The following HEXIM2 variants were observed in gnomAD, a reference collection of about 807,000 sequenced individuals.
The protein encoded by HEXIM2 is HEXIM P-TEFb complex subunit 2.
For missense variants in HEXIM2, 413 were observed against 390.8 expected, an observed-to-expected ratio of 1.06 and a Z score of -0.48; for synonymous variants, 159 against 162.7, an observed-to-expected ratio of 0.98 and a Z score of 0.17.
At chr17:45,164,109 T>C (rs1041069490) in intron 3 of HEXIM2, among the ~76,000 whole-genome samples, 2 of 150,498 alleles carry the variant, frequency 1.3e-5, no homozygotes, top group African/African-American at 2.5e-5. Context: ...GAGCTGAGAT[T>C]GTGCCATTGC....
chr17:45,161,010 C>G, upstream of HEXIM2: 1 of 1,222,308 alleles, frequency 8.2e-7, no homozygotes, highest in Non-Finnish European at 1.1e-6. Context: ...GACTTGTGGC[C>G]AGACCTGCGA....
rs781585153 is a variant in HEXIM2 at position 45,161,936 on chromosome 17, A to C, written c.-288A>C. On this transcript the variant is annotated 5_prime_UTR_variant, in exon 1 of 4. Coordinates refer to ENST00000589230, the MANE Select transcript of HEXIM2 (RefSeq NM_001303441.2). Reference sequence around the variant, plus strand: ...GACCAGAGCTGCTGCAACTGCAGCAAGAGGTAGGGCTCAGGCGTTGGGAAT... The same window carrying C: ...GACCAGAGCTGCTGCAACTGCAGCACGAGGTAGGGCTCAGGCGTTGGGAAT... 3 of 985,610 alleles carry C rather than the reference A, an allele frequency of 3.0e-6. No homozygotes were observed. Among genetic ancestry groups the C allele is most frequent in the Non-Finnish European group, 3.6e-6 (3 of 830,070 alleles). The allele number at this position is 985,610 out of a possible 1,614,324, so 61.1% of individuals were successfully genotyped here.
Position 45,168,055 on chromosome 17 carries a change from T to C in HEXIM2, c.67-960T>C, listed in dbSNP as rs138342069. Among the ~76,000 whole-genome samples, 1,423 of 151,184 alleles carry C rather than the reference T, an allele frequency of 9.4e-3. 17 individuals are homozygous for C. Among genetic ancestry groups the C allele is most frequent in the African/African-American group, 0.033 (1,351 of 41,212 alleles). Reference sequence around the variant, plus strand: ...CGTGCCACCACGCCCGGCTTATTTTTGTATTTTTCGTAGACATAGGGTTTC... The same window carrying C: ...CGTGCCACCACGCCCGGCTTATTTTCGTATTTTTCGTAGACATAGGGTTTC... On this transcript the variant is annotated intron_variant, in intron 3 of 3. Transcript: ENST00000589230.
intron 3 of HEXIM2, among the ~76,000 whole-genome samples, chr17:45,166,513 G>C (rs190168464): frequency 1.3e-5 from 2 of 152,324 alleles, no homozygotes; most frequent in Admixed American, 6.5e-5. Context: ...CACTGCCCTT[G>C]TGCTGTGCAT....
At chr17:45,166,032 G>C (rs1338402383) in intron 3 of HEXIM2, among the ~76,000 whole-genome samples, 1 of 151,976 alleles carries the variant, frequency 6.6e-6, no homozygotes, top group Non-Finnish European at 1.5e-5. Flanking sequence ...CCTGAACTCA[G>C]GTGATCTACC....
Position 45,169,327 on chromosome 17 carries a change from G to T in HEXIM2, c.379G>T (p.Val127Phe). ...GAGGCAGAGCCAGAGGGCCTCCCGG[G>T]TCCGCGAAGAGATGTTCGCCAAAGG... is the stretch of plus-strand genomic sequence containing the variant. ...DERQSQRASR[V>F]REEMFAKGQP... Residue 127 changes from valine (V) to phenylalanine (F), a missense_variant, in exon 4 of 4, where the codon GTC (valine) becomes TTC (phenylalanine). By Grantham distance (50) the Val-to-Phe change is conservative. Coordinates refer to ENST00000589230, the MANE Select transcript of HEXIM2 (RefSeq NM_001303441.2). The T allele has an allele frequency of 6.2e-7, 1 of 1,613,850 alleles. No individual in the cohort carries two copies. The highest frequency in any genetic ancestry group is 8.5e-7 in the Non-Finnish European group (1 of 1,180,032).
In HEXIM2 at chr17:45,162,583, G is replaced by C; in HGVS notation, c.-97G>C. 7.1e-7 allele frequency: 1 copy of C among 1,407,250 alleles called. No individual in the cohort carries two copies. The highest frequency in any genetic ancestry group is 9.2e-7 in the Non-Finnish European group (1 of 1,081,778). The allele number at this position is 1,407,250 out of a possible 1,614,324, so 87.2% of individuals were successfully genotyped here. A position where few individuals can be genotyped will look rare whatever the true frequency, so the allele number is the denominator to read the frequency against. ...CCATTTGGCCCCTTGCTGGCTGGAG[G>C]TGTGAAAACCAGCGGTGGAGGCAGC... On this transcript the variant is annotated 5_prime_UTR_variant, in exon 2 of 4. Transcript: ENST00000589230.
intron 3 of HEXIM2, among the ~76,000 whole-genome samples, chr17:45,165,352 A>G (rs1175547752): frequency 6.6e-6 from 1 of 152,090 alleles, no homozygotes; most frequent in African/African-American, 2.4e-5. Flanking sequence ...CACATGACAT[A>G]TGCCTGGCTC....
At chr17:45,165,276 C>A (rs2042807832) in intron 3 of HEXIM2, among the ~76,000 whole-genome samples, 1 of 152,040 alleles carries the variant, frequency 6.6e-6, no homozygotes. Context: ...ACGTACACAC[C>A]CCACACACAT....
In HEXIM2 at chr17:45,169,001, C is replaced by T. The variant is rs760794704; in HGVS notation, c.67-14C>T. The T allele has an allele frequency of 6.3e-7, 1 of 1,584,514 alleles. No individual in the cohort carries two copies. The highest frequency in any genetic ancestry group is 8.6e-7 in the Non-Finnish European group (1 of 1,164,216). On this transcript the variant is annotated splice_polypyrimidine_tract_variant and intron_variant, in intron 3 of 3. Transcript: ENST00000589230. ...GCTGTCTGATCCATCCTTCTTCCTC[C>T]TCCCTCTCTTTAGACCTCTGGTGCC... is the stretch of plus-strand genomic sequence containing the variant.
chr17:45,160,854 C>T, upstream of HEXIM2: 2 of 1,250,842 alleles, frequency 1.6e-6, no homozygotes, highest in Non-Finnish European at 2.1e-6. Flanking sequence ...CTAGCTGCTC[C>T]CAGGGGGAAT....
Position 45,162,602 on chromosome 17 carries a change from A to G in HEXIM2, c.-78A>G. 1 of 1,422,418 alleles carries G rather than the reference A, an allele frequency of 7.0e-7. No individual in the cohort carries two copies. The highest frequency in any genetic ancestry group is 1.4e-5 in the South Asian group (1 of 69,212). The allele number at this position is 1,422,418 out of a possible 1,614,324, so 88.1% of individuals were successfully genotyped here. On this transcript the variant is annotated 5_prime_UTR_variant, in exon 2 of 4. Coordinates refer to ENST00000589230, the MANE Select transcript of HEXIM2 (RefSeq NM_001303441.2). Reference sequence around the variant, plus strand: ...CTGGAGGTGTGAAAACCAGCGGTGGAGGCAGCCTTCGGGGCCTGCATTTGA... The same window carrying G: ...CTGGAGGTGTGAAAACCAGCGGTGGGGGCAGCCTTCGGGGCCTGCATTTGA...
At chr17:45,160,966 T>C (rs1382913924), upstream of HEXIM2, 1 of 1,289,368 alleles carries the variant, frequency 7.8e-7, no homozygotes, top group East Asian at 5.6e-5. Flanking sequence ...CACTGGGATC[T>C]CCGCTCTCGG....
At chr17:45,164,614 G>A (rs553234431) in intron 3 of HEXIM2, among the ~76,000 whole-genome samples, 1 of 152,344 alleles carries the variant, frequency 6.6e-6, no homozygotes, top group Admixed American at 6.5e-5. Flanking sequence ...TCCAGCCTGG[G>A]TGACAAAGTC....
chr17:45,162,271 G>C (rs1401133749), intron 1 of HEXIM2, among the ~76,000 whole-genome samples: 1 of 152,194 alleles, frequency 6.6e-6, no homozygotes, highest in Non-Finnish European at 1.5e-5. Flanking sequence ...AGCCCAGCTT[G>C]GGGAGAAGGT....
chr17:45,162,657 A>C, intron 2 of HEXIM2, 22 bp downstream of exon 2: 1 of 1,551,978 alleles, frequency 6.4e-7, no homozygotes, highest in South Asian at 1.2e-5. Context: ...TGGGGTACAA[A>C]ATGGCTGCCA....
chr17:45,167,511 T>C (rs2042889664), intron 3 of HEXIM2, among the ~76,000 whole-genome samples: 1 of 152,156 alleles, frequency 6.6e-6, no homozygotes, highest in South Asian at 2.1e-4. Flanking sequence ...GGCAAGAGGA[T>C]TGCTTGAGTC....
rs888995927 is a variant in HEXIM2, at chr17:45,169,786, T to A, written c.838T>A (p.Cys280Ser). The change falls in exon 4 of 4, where the codon TGT becomes AGT. Residue 280 changes from cysteine to serine, a missense_variant. Transcript: ENST00000589230. Reference sequence around the variant, plus strand: ...GATGTGGAACCGAGAGGGCTGCCGCTGTGATGAGGAGCCGGGTACCTAGGG... The same window carrying A: ...GATGTGGAACCGAGAGGGCTGCCGCAGTGATGAGGAGCCGGGTACCTAGGG... Reference protein sequence around the residue: ...NQMWNREGCRCDEEPGT With the variant: ...NQMWNREGCRSDEEPGT The A allele has an allele frequency of 1.7e-5, 25 of 1,446,656 alleles. No homozygotes were observed. Among genetic ancestry groups the A allele is most frequent in the Non-Finnish European group, 2.3e-5 (25 of 1,101,228 alleles). The allele number at this position is 1,446,656 out of a possible 1,614,324, so 89.6% of individuals were successfully genotyped here.
chr17:45,166,732 G>GA (rs2042852043), intron 3 of HEXIM2, among the ~76,000 whole-genome samples: 1 of 151,942 alleles, frequency 6.6e-6, no homozygotes, highest in Admixed American at 6.6e-5. Flanking sequence ...TCTAAAAGAT[G>GA]AAAAAAGGTA....
Sources: allele counts gnomAD v4.1 joint callset (sites outside exome capture counted in the v4.1 genomes callset), GRCh38; gene constraint gnomAD v4.1.1; transcripts MANE v1.5; gene names NCBI Gene and HGNC (gene_info 2026-07-23, HGNC 2026-07-21).